Variants in ATXN1 observed in about 807,000 individuals in gnomAD.
The protein encoded by ATXN1 is ataxin-1.
A neutral mutation model predicts 56.4 loss-of-function variants in ATXN1; 8 were observed. The observed-to-expected ratio is 0.14, with a 90% CI of 0.08 to 0.26. The LOEUF is 0.26. ATXN1 is among the 10% of genes least tolerant of loss of function. The probability of loss-of-function intolerance (pLI) is 1.00; values close to 1 mark genes in which losing one functional copy is unlikely to be tolerated. For missense variants in ATXN1, 987 were observed against 1,106.5 expected, an observed-to-expected ratio of 0.89 and a Z score of 1.53; for synonymous variants, 514 against 494.6, an observed-to-expected ratio of 1.04 and a Z score of -0.52.
intron 4 of ATXN1, among the ~76,000 whole-genome samples, chr6:16,570,371 G>A (rs1314940499): frequency 1.3e-5 from 2 of 152,198 alleles, no homozygotes; most frequent in African/African-American, 4.8e-5. Context: ...GTCCTTGTGA[G>A]TCAACAGGGC....
intron 6 of ATXN1, among the ~76,000 whole-genome samples, chr6:16,431,844 T>C (rs939774367): frequency 1.3e-5 from 2 of 152,174 alleles, no homozygotes; most frequent in African/African-American, 4.8e-5. Context: ...TAAATAAATA[T>C]ACAACTTGGC....
At chr6:16,340,339 T>C (rs934609102) in intron 6 of ATXN1, among the ~76,000 whole-genome samples, 1 of 152,208 alleles carries the variant, frequency 6.6e-6, no homozygotes, top group South Asian at 2.1e-4. Flanking sequence ...ACAGTAGCAA[T>C]TGAGCTCCAA....
chr6:16,608,291 T>C (rs957667679), intron 3 of ATXN1, among the ~76,000 whole-genome samples: 2 of 152,240 alleles, frequency 1.3e-5, no homozygotes, highest in Admixed American at 1.3e-4. Flanking sequence ...TTGTTGACAA[T>C]CATTGCAGCT....
chr6:16,606,103 TG>T (rs1343027758), intron 3 of ATXN1, among the ~76,000 whole-genome samples: 1 of 152,096 alleles, frequency 6.6e-6, no homozygotes, highest in Non-Finnish European at 1.5e-5. Context: ...CACTCCAGCC[TG>T]GAGTACAGTG....
At chr6:16,494,860 G>A (rs1044597387) in intron 5 of ATXN1, among the ~76,000 whole-genome samples, 1 of 152,140 alleles carries the variant, frequency 6.6e-6, no homozygotes, top group Non-Finnish European at 1.5e-5. Context: ...GGTCCTTCAG[G>A]TATTGCTGTA....
chr6:16,470,511 T>C (rs1028625188), intron 6 of ATXN1, among the ~76,000 whole-genome samples: 3 of 152,240 alleles, frequency 2.0e-5, no homozygotes, highest in African/African-American at 7.2e-5. Context: ...TGGAAAATTA[T>C]GTTGGTGAAC....
Position 16,759,530 on chromosome 6 carries a change from G to GTTTTTTTTTTTTTTTT in ATXN1, c.-730+1752_-730+1767dup, listed in dbSNP as rs1046854905. 4.4e-5 allele frequency among the ~76,000 whole-genome samples: 2 copies of GTTTTTTTTTTTTTTTT among 45,926 alleles called. 1 individual carries two copies. The highest frequency in any genetic ancestry group is 1.7e-4 in the African/African-American group (2 of 11,570). 30.1% of individuals were successfully genotyped at this position (45,926 alleles called of 152,430 possible). A position where few individuals can be genotyped will look rare whatever the true frequency, so the allele number is the denominator to read the frequency against. On this transcript the variant is annotated intron_variant, in intron 1 of 7. Coordinates refer to ENST00000436367, the MANE Select transcript of ATXN1 (RefSeq NM_001128164.2). Reference sequence around the variant, plus strand: ...ATTATATAACCAGCTTCTTCCGACTGTTTTTTTTTTTTTTTTTTTTTTTTT... The same window carrying GTTTTTTTTTTTTTTTT: ...ATTATATAACCAGCTTCTTCCGACTGTTTTTTTTTTTTTTTTTTTTTTTTTTTTTTTTTTTTTTTTT...
intron 5 of ATXN1, among the ~76,000 whole-genome samples, chr6:16,498,522 G>C (rs1760820407): frequency 6.6e-6 from 1 of 152,190 alleles, no homozygotes; most frequent in Non-Finnish European, 1.5e-5. Context: ...GAACTACTGA[G>C]TCATATGTTA....
chr6:16,511,503 T>A (rs1470341804), intron 5 of ATXN1, among the ~76,000 whole-genome samples: 1 of 152,232 alleles, frequency 6.6e-6, no homozygotes, highest in Admixed American at 6.5e-5. Flanking sequence ...TTGACATATG[T>A]TTCCTTCAGG....
chr6:16,709,296 T>G (rs749257073), intron 2 of ATXN1, among the ~76,000 whole-genome samples: 1 of 151,988 alleles, frequency 6.6e-6, no homozygotes, highest in Non-Finnish European at 1.5e-5. Context: ...AAACTTTATG[T>G]CAATAAATCT....
intron 7 of ATXN1, among the ~76,000 whole-genome samples, chr6:16,322,644 G>A (rs1251775500): frequency 1.3e-5 from 2 of 152,134 alleles, no homozygotes; most frequent in African/African-American, 4.8e-5. Flanking sequence ...TCAGGCTAGG[G>A]GAGAAAACCC....
chr6:16,482,535 A>C (rs1760460388), intron 6 of ATXN1, among the ~76,000 whole-genome samples: 1 of 152,184 alleles, frequency 6.6e-6, no homozygotes, highest in Admixed American at 6.5e-5. Context: ...GGAAGCAGAG[A>C]AGCTTAGGAA....
chr6:16,346,667 C>T (rs540552029), intron 6 of ATXN1, among the ~76,000 whole-genome samples: 69 of 152,222 alleles, frequency 4.5e-4, no homozygotes, highest in African/African-American at 1.4e-3. Context: ...TTTTTGTCGC[C>T]GGGTCTCACT....
intron 6 of ATXN1, among the ~76,000 whole-genome samples, chr6:16,424,034 C>T (rs936304227): frequency 2.0e-5 from 3 of 152,142 alleles, no homozygotes; most frequent in African/African-American, 4.8e-5. Flanking sequence ...ACTTTTACAT[C>T]CTTCGCATCA....
intron 4 of ATXN1, among the ~76,000 whole-genome samples, chr6:16,532,792 T>C (rs1212457692): frequency 1.3e-5 from 2 of 152,092 alleles, no homozygotes; most frequent in Non-Finnish European, 2.9e-5. Context: ...CTGATAGAAA[T>C]GCAAAATGGT....
At chr6:16,516,846 T>C (rs1284015759) in intron 5 of ATXN1, among the ~76,000 whole-genome samples, 1 of 152,222 alleles carries the variant, frequency 6.6e-6, no homozygotes, top group Non-Finnish European at 1.5e-5. Flanking sequence ...GACAAGAGCC[T>C]CTTGAAGACA....
At chr6:16,704,459 G>GA (rs3841158) in intron 2 of ATXN1, among the ~76,000 whole-genome samples, 1 of 152,082 alleles carries the variant, frequency 6.6e-6, no homozygotes, top group Non-Finnish European at 1.5e-5. Context: ...CTTGCCCAGG[G>GA]ACTGCCATAA....
At position 16,760,158 on chromosome 6, in the gene ATXN1, G is replaced by A. The variant is rs1001564048; in HGVS notation, c.-730+1140C>T. Among the ~76,000 whole-genome samples, 8 of 151,770 alleles carry A rather than the reference G, an allele frequency of 5.3e-5. No individual in the cohort carries two copies. Among genetic ancestry groups the A allele is most frequent in the Non-Finnish European group, 7.4e-5 (5 of 67,896 alleles). On this transcript the variant is annotated intron_variant, in intron 1 of 7. Coordinates refer to ENST00000436367, the MANE Select transcript of ATXN1 (RefSeq NM_001128164.2). This position sits in a 1 kb window ranked among gnomAD's most constrained non-coding sequence, Gnocchi z 5.3. The stretch of plus-strand genomic sequence containing the variant: ...AGGAGGCGGCGGCGCCCCCGGGAGT[G>A]GCAGAGTCTCCGGCCCGGCCCAGAG...
chr6:16,696,219 T>C (rs914964940), intron 2 of ATXN1, among the ~76,000 whole-genome samples: 1 of 152,172 alleles, frequency 6.6e-6, no homozygotes, highest in Non-Finnish European at 1.5e-5. Context: ...TTTTATCAGA[T>C]TGATTATCTG....
Sources: allele counts gnomAD v4.1 joint callset (sites outside exome capture counted in the v4.1 genomes callset), GRCh38; gene constraint gnomAD v4.1.1; non-coding constraint Gnocchi (gnomAD v3.1); transcripts MANE v1.5; gene names NCBI Gene and HGNC (gene_info 2026-07-23, HGNC 2026-07-21).